The following CCSER1 variants were observed in gnomAD, a reference collection of about 807,000 sequenced individuals.
CCSER1 encodes the protein serine-rich coiled-coil domain-containing protein 1.
CCSER1 carries 41 observed loss-of-function variants against 82.0 expected under a neutral mutation model. That is an observed-to-expected ratio of 0.50 (90% CI 0.39 to 0.65). CCSER1 has a LOEUF of 0.65. Among genes scored for constraint, CCSER1 ranks in the 30% least tolerant of loss-of-function variants. The pLI is 0.00. For missense variants in CCSER1, 1,119 were observed against 1,064.2 expected, an observed-to-expected ratio of 1.05 and a Z score of -0.72; for synonymous variants, 414 against 383.9, an observed-to-expected ratio of 1.08 and a Z score of -0.92.
chr4:90,248,738 C>T (rs1721869826), intron 1 of CCSER1, among the ~76,000 whole-genome samples: 1 of 150,648 alleles, frequency 6.6e-6, no homozygotes, highest in South Asian at 2.1e-4. Context: ...CACTCTGTTG[C>T]CCAGGCTGGA....
intron 10 of CCSER1, among the ~76,000 whole-genome samples, chr4:91,524,806 C>A (rs908668283): frequency 6.6e-6 from 1 of 152,196 alleles, no homozygotes; most frequent in South Asian, 2.1e-4. Flanking sequence ...AATGCAGAGT[C>A]TTAAACAAAG....
At chr4:90,951,839 T>C (rs1732946011) in intron 9 of CCSER1, among the ~76,000 whole-genome samples, 1 of 152,068 alleles carries the variant, frequency 6.6e-6, no homozygotes, top group Admixed American at 6.6e-5. Flanking sequence ...AAGGAGAGGA[T>C]ACTGAGGTGA....
intron 10 of CCSER1, among the ~76,000 whole-genome samples, chr4:91,550,035 C>CCTAACATGG (rs1458268958): frequency 1.3e-5 from 2 of 152,118 alleles, no homozygotes; most frequent in East Asian, 3.9e-4. Flanking sequence ...CTGGGTCTTC[C>CCTAACATGG]CTAACATGGG....
chr4:90,810,633 G>A (rs1300246085), intron 7 of CCSER1, among the ~76,000 whole-genome samples: 6 of 146,796 alleles, frequency 4.1e-5, no homozygotes, highest in Non-Finnish European at 7.5e-5. Flanking sequence ...CAACAAGAGC[G>A]AGACTCCCTC....
chr4:91,328,989 C>CCTCATTTT, intron 10 of CCSER1, among the ~76,000 whole-genome samples: 1 of 152,100 alleles, frequency 6.6e-6, no homozygotes, highest in African/African-American at 2.4e-5. Context: ...TGACTTTGCT[C>CCTCATTTT]CTCATTTGCC....
At chr4:91,183,949 A>G (rs1186275645) in intron 10 of CCSER1, among the ~76,000 whole-genome samples, 1 of 152,194 alleles carries the variant, frequency 6.6e-6, no homozygotes, top group Non-Finnish European at 1.5e-5. Context: ...AATTTTTGAA[A>G]GTCATTTAAT....
At chr4:90,432,397 T>A (rs988055260) in intron 4 of CCSER1, among the ~76,000 whole-genome samples, 1 of 152,168 alleles carries the variant, frequency 6.6e-6, no homozygotes, top group Non-Finnish European at 1.5e-5. Flanking sequence ...TGAACTCCAG[T>A]TCTGACACTA....
intron 6 of CCSER1, among the ~76,000 whole-genome samples, chr4:90,659,084 CTTT>C (rs3042301): frequency 7.2e-6 from 1 of 138,096 alleles, no homozygotes; most frequent in Non-Finnish European, 1.5e-5. Context: ...TATGAGAGGG[CTTT>C]TTTTTTTTTT....
intron 5 of CCSER1, among the ~76,000 whole-genome samples, chr4:90,509,412 G>T (rs998586891): frequency 2.0e-5 from 3 of 152,084 alleles, no homozygotes; most frequent in Admixed American, 6.5e-5. Flanking sequence ...AGAACTTTCT[G>T]AAATTTGCTA....
intron 1 of CCSER1, among the ~76,000 whole-genome samples, chr4:90,231,568 G>A (rs1001392735): frequency 4.5e-4 from 64 of 142,358 alleles, no homozygotes; most frequent in Non-Finnish European, 6.0e-4. Context: ...GCACAAGACA[G>A]GGATGCCCTC....
chr4:90,391,444 G>GTATATATATATATATA (rs770320334), intron 3 of CCSER1, among the ~76,000 whole-genome samples: 3 of 37,488 alleles, frequency 8.0e-5, no homozygotes, highest in Admixed American at 3.8e-4. Flanking sequence ...ATATATGGGG[G>GTATATATATATATATA]TATATATATA....
Position 90,147,666 on chromosome 4 carries a change from G to A in CCSER1, c.-42+19835G>A, listed in dbSNP as rs560628448. ...AATCTTCATGACAAAATTATTTCAGGTTTGAAAATGATATGAATACATCCG... is the reference window on the plus strand; with the variant it reads ...AATCTTCATGACAAAATTATTTCAGATTTGAAAATGATATGAATACATCCG... On this transcript the variant is annotated intron_variant, in intron 1 of 10. Coordinates refer to ENST00000509176, the MANE Select transcript of CCSER1 (RefSeq NM_001145065.2). Among the ~76,000 whole-genome samples, 320 of 152,106 alleles carry A rather than the reference G, an allele frequency of 2.1e-3. 2 individuals are homozygous for A. The highest frequency in any genetic ancestry group is 7.1e-3 in the African/African-American group (296 of 41,482).
At chr4:91,282,690 C>G (rs751565272) in intron 10 of CCSER1, among the ~76,000 whole-genome samples, 1 of 152,072 alleles carries the variant, frequency 6.6e-6, no homozygotes, top group Non-Finnish European at 1.5e-5. Context: ...AAGATAAGCT[C>G]CCTCTTTAGT....
intron 10 of CCSER1, among the ~76,000 whole-genome samples, chr4:91,107,081 T>G (rs529964163): frequency 1.3e-5 from 2 of 152,326 alleles, no homozygotes; most frequent in South Asian, 4.1e-4. Context: ...ACACAAATAT[T>G]TAACACTGTG....
At chr4:91,193,767 G>A (rs1735186275) in intron 10 of CCSER1, among the ~76,000 whole-genome samples, 1 of 151,678 alleles carries the variant, frequency 6.6e-6, no homozygotes, top group Admixed American at 6.6e-5. Context: ...CACAATGAAT[G>A]CCCATTGCTT....
chr4:90,664,435 T>G (rs547596583), intron 6 of CCSER1, among the ~76,000 whole-genome samples: 75 of 152,300 alleles, frequency 4.9e-4, no homozygotes, highest in African/African-American at 1.8e-3. Context: ...GGAGTTTTTT[T>G]TGTCAAAAGC....
At chr4:90,835,018 A>G (rs1055744036) in intron 8 of CCSER1, among the ~76,000 whole-genome samples, 3 of 152,176 alleles carry the variant, frequency 2.0e-5, no homozygotes, top group African/African-American at 7.2e-5. Flanking sequence ...ATCTACCAAC[A>G]TTTATTCTTG....
chr4:91,184,638 T>G (rs990017562), intron 10 of CCSER1, among the ~76,000 whole-genome samples: 14 of 152,390 alleles, frequency 9.2e-5, no homozygotes, highest in Admixed American at 4.6e-4. Context: ...GCCATTGTTC[T>G]ATCCAAATTG....
chr4:90,872,220 T>C (rs1458832947), intron 8 of CCSER1, among the ~76,000 whole-genome samples: 1 of 151,836 alleles, frequency 6.6e-6, no homozygotes, highest in Non-Finnish European at 1.5e-5. Context: ...CGTTTTCCAG[T>C]TATTTTGTAT....
Sources: gnomAD v4.1 joint callset for allele counts (sites outside exome capture counted in the v4.1 genomes callset) on GRCh38, gnomAD v4.1.1 for gene constraint, MANE v1.5 for transcripts, NCBI Gene and HGNC (gene_info 2026-07-23, HGNC 2026-07-21) for gene names.